Variants in KIAA1217 observed in about 807,000 individuals in gnomAD.
KIAA1217 encodes sickle tail protein homolog.
In KIAA1217, 88 loss-of-function variants were observed where a neutral mutation model predicts 163.9. That is an observed-to-expected ratio of 0.54 (90% CI 0.45 to 0.64). KIAA1217 has a LOEUF of 0.64. Ranked by LOEUF, KIAA1217 falls within the 30% of genes least tolerant of loss-of-function variation. KIAA1217 has a pLI of 0.00. For synonymous variants in KIAA1217, 903 were observed against 923.1 expected (o/e 0.98, Z 0.39); for missense variants, 2,372 against 2,475.0 (o/e 0.96, Z 0.88).
At chr10:23,754,083 T>A (rs1392241445) in intron 1 of KIAA1217, among the ~76,000 whole-genome samples, 4 of 152,222 alleles carry the variant, frequency 2.6e-5, no homozygotes, top group Non-Finnish European at 5.9e-5. Flanking sequence ...TTTCTGGGTA[T>A]CTGCCAGGCT....
At chr10:24,025,197 T>A (rs2131523715) in intron 2 of KIAA1217, among the ~76,000 whole-genome samples, 1 of 151,850 alleles carries the variant, frequency 6.6e-6, no homozygotes, top group East Asian at 1.9e-4. Flanking sequence ...TTGTGTTTGG[T>A]CTGAGATAAG....
At chr10:23,953,274 T>C (rs4132159) in intron 1 of KIAA1217, among the ~76,000 whole-genome samples, 5,045 of 152,318 alleles carry the variant, frequency 0.033, 287 homozygotes, top group African/African-American at 0.11. Flanking sequence ...TGGTTTAACA[T>C]ATTATGCTTG....
chr10:23,835,205 A>G lies in KIAA1217; in HGVS notation c.-321+139971A>G, dbSNP rs555407077. On this transcript the variant is annotated intron_variant, in intron 1 of 18. Transcript: ENST00000376462. ...GAGATGGAGAATAAGTCAGTGAACT[A>G]GAGAAGAACTAGGAAGGAGTGTCAT... 2.0e-5 allele frequency among the ~76,000 whole-genome samples: 3 copies of G among 152,288 alleles called. No homozygotes were observed. In the South Asian group the frequency reaches 6.2e-4, roughly 32 times the overall value.
At chr10:24,274,785 A>G (rs1004179142) in intron 2 of KIAA1217, among the ~76,000 whole-genome samples, 9 of 152,178 alleles carry the variant, frequency 5.9e-5, no homozygotes, top group African/African-American at 2.2e-4. Context: ...TTGATTCATT[A>G]GCATTGAACT....
intron 2 of KIAA1217, among the ~76,000 whole-genome samples, chr10:24,024,984 T>C (rs1847880876): frequency 1.3e-5 from 2 of 151,806 alleles, no homozygotes; most frequent in Admixed American, 1.3e-4. Flanking sequence ...TTCTTACCTA[T>C]GCATTTCCTT....
intron 2 of KIAA1217, among the ~76,000 whole-genome samples, chr10:24,183,378 C>T (rs776092509): frequency 5.9e-5 from 9 of 152,164 alleles, no homozygotes; most frequent in Non-Finnish European, 8.8e-5. Context: ...TACAGATTCT[C>T]CTTCTACCTC....
chr10:24,372,319 G>C (rs975468228), intron 2 of KIAA1217, among the ~76,000 whole-genome samples: 1 of 152,142 alleles, frequency 6.6e-6, no homozygotes, highest in African/African-American at 2.4e-5. Flanking sequence ...AACAACAACT[G>C]AGAAGGCGCA....
chr10:23,826,202 G>A (rs1837890120), intron 1 of KIAA1217, among the ~76,000 whole-genome samples: 2 of 151,926 alleles, frequency 1.3e-5, no homozygotes, highest in Non-Finnish European at 2.9e-5. Flanking sequence ...AAAAAAAAGT[G>A]TAAGTAGTTA....
chr10:24,487,922 G>C (rs904957229), intron 6 of KIAA1217, among the ~76,000 whole-genome samples: 2 of 152,220 alleles, frequency 1.3e-5, no homozygotes, highest in African/African-American at 4.8e-5. Context: ...GAACAGCAAG[G>C]CTGAAAAATA....
intron 2 of KIAA1217, among the ~76,000 whole-genome samples, chr10:24,256,024 G>T: frequency 8.5e-6 from 1 of 118,194 alleles, no homozygotes; most frequent in East Asian, 2.7e-4. Context: ...GAGTGCTGCC[G>T]ATTAACTCAA....
intron 2 of KIAA1217, among the ~76,000 whole-genome samples, chr10:24,094,133 C>T (rs1331085869): frequency 3.9e-5 from 6 of 152,054 alleles, no homozygotes; most frequent in Non-Finnish European, 2.9e-5. Context: ...GTCTTTATAG[C>T]AGCATGATTT....
chr10:24,334,303 G>T (rs2046053834), intron 2 of KIAA1217, among the ~76,000 whole-genome samples: 1 of 152,076 alleles, frequency 6.6e-6, no homozygotes, highest in Admixed American at 6.6e-5. Context: ...TACTTGGGAG[G>T]CCAAGGCAGG....
At chr10:23,858,115 T>G (rs1839785645) in intron 1 of KIAA1217, among the ~76,000 whole-genome samples, 1 of 152,062 alleles carries the variant, frequency 6.6e-6, no homozygotes, top group African/African-American at 2.4e-5. Flanking sequence ...AAAGGACAAC[T>G]GTGACCACTC....
intron 2 of KIAA1217, among the ~76,000 whole-genome samples, chr10:24,100,623 G>A (rs559466316): frequency 1.3e-5 from 2 of 152,268 alleles, no homozygotes; most frequent in Admixed American, 6.5e-5. Flanking sequence ...CTGTCATTTA[G>A]TTTGTGTCCT....
At chr10:24,353,986 G>A (rs1441439039) in intron 2 of KIAA1217, among the ~76,000 whole-genome samples, 1 of 152,158 alleles carries the variant, frequency 6.6e-6, no homozygotes, top group Non-Finnish European at 1.5e-5. Flanking sequence ...AGCTGTAGCT[G>A]GGTTTTCTGA....
intron 5 of KIAA1217, 46 bp from the exon 6 acceptor site, chr10:24,473,182 A>G: frequency 7.4e-7 from 1 of 1,360,366 alleles, no homozygotes; most frequent in Non-Finnish European, 1.0e-6. Context: ...TTCTCTTGAA[A>G]CACGAATATC....
intron 2 of KIAA1217, among the ~76,000 whole-genome samples, chr10:24,333,400 A>G (rs10741051): frequency 0.84 from 128,030 of 152,052 alleles, 54,123 homozygotes; most frequent in Middle Eastern, 0.94. Context: ...TCTGGGAGTG[A>G]CATTTATTCC....
intron 5 of KIAA1217, among the ~76,000 whole-genome samples, chr10:24,458,199 A>T (rs2062001763): frequency 6.6e-6 from 1 of 152,246 alleles, no homozygotes; most frequent in South Asian, 2.1e-4. Context: ...TTATCCAAAT[A>T]AGGAGAAGCA....
At chr10:24,328,293 G>C (rs1483251375) in intron 2 of KIAA1217, among the ~76,000 whole-genome samples, 1 of 152,142 alleles carries the variant, frequency 6.6e-6, no homozygotes, top group Non-Finnish European at 1.5e-5. Flanking sequence ...GAGAGGTAAG[G>C]GAGGGGAGTT....
Sources: allele counts gnomAD v4.1 joint callset (sites outside exome capture counted in the v4.1 genomes callset), GRCh38; gene constraint gnomAD v4.1.1; transcripts MANE v1.5; gene names NCBI Gene and HGNC (gene_info 2026-07-23, HGNC 2026-07-21).